Variants in CSGALNACT2 observed in about 807,000 individuals in gnomAD.
CSGALNACT2 encodes the protein beta 4 GalNAcT-2.
A neutral mutation model predicts 55.3 loss-of-function variants in CSGALNACT2; 35 were observed. The ratio of observed to expected loss-of-function variants is 0.63; its 90% CI spans 0.48 to 0.84. The LOEUF is 0.84. Ranked by LOEUF, CSGALNACT2 falls within the 40% of genes least tolerant of loss-of-function variation. The pLI, the probability that CSGALNACT2 is intolerant of heterozygous loss-of-function variation, is 0.00. For missense variants in CSGALNACT2, 544 were observed against 657.5 expected, an observed-to-expected ratio of 0.83 and a Z score of 1.89; for synonymous variants, 196 against 224.9, an observed-to-expected ratio of 0.87 and a Z score of 1.15.
At chr10:43,169,320 C>G (rs140557481) in intron 6 of CSGALNACT2, among the ~76,000 whole-genome samples, 389 of 152,216 alleles carry the variant, frequency 2.6e-3, no homozygotes, top group African/African-American at 8.9e-3. Context: ...AAAAACAATA[C>G]TATGAAAGAG....
At chr10:43,143,527 GT>G (rs1838678106) in intron 1 of CSGALNACT2, among the ~76,000 whole-genome samples, 1 of 151,262 alleles carries the variant, frequency 6.6e-6, no homozygotes, top group South Asian at 2.1e-4. Flanking sequence ...GTGTGTGTGT[GT>G]GTGTGTGTGG....
In CSGALNACT2 at chr10:43,155,012, T is replaced by G; in HGVS notation, c.-138T>G. ...CATTTCTGCAAGTAGTCATGACTGCTGAAGAAAGAAAAACTTAAAGCTACG... is the reference window on the plus strand; with the variant it reads ...CATTTCTGCAAGTAGTCATGACTGCGGAAGAAAGAAAAACTTAAAGCTACG... On this transcript the variant is annotated 5_prime_UTR_variant, in exon 2 of 8. Transcript: ENST00000374466. The G allele has an allele frequency of 1.4e-6, 1 of 706,744 alleles. No homozygotes were observed. The highest frequency in any genetic ancestry group is 2.4e-6 in the Non-Finnish European group (1 of 423,978). 43.8% of individuals were successfully genotyped at this position (706,744 alleles called of 1,614,324 possible).
At chr10:43,145,410 CTTTTTT>C (rs71016727) in intron 1 of CSGALNACT2, among the ~76,000 whole-genome samples, 24 of 99,420 alleles carry the variant, frequency 2.4e-4, no homozygotes, top group African/African-American at 5.1e-4. Context: ...TTGTTTGTTT[CTTTTTT>C]TTTTTTTTTT....
chr10:43,181,492 T>C (rs1314200626), intron 7 of CSGALNACT2, among the ~76,000 whole-genome samples: 1 of 152,236 alleles, frequency 6.6e-6, no homozygotes, highest in African/African-American at 2.4e-5. Flanking sequence ...TAAGAGCTTA[T>C]ATCTACAAGG....
At chr10:43,156,434 TAACAGTAA>T (rs1157301453) in intron 2 of CSGALNACT2, among the ~76,000 whole-genome samples, 2 of 152,232 alleles carry the variant, frequency 1.3e-5, no homozygotes, top group Non-Finnish European at 2.9e-5. Context: ...TGATTGATAT[TAACAGTAA>T]TAATTCTAGA....
At chr10:43,150,396 A>G (rs542444230) in intron 1 of CSGALNACT2, among the ~76,000 whole-genome samples, 2 of 152,334 alleles carry the variant, frequency 1.3e-5, no homozygotes, top group South Asian at 2.1e-4. Flanking sequence ...TCCTCTGCCT[A>G]AAAGACTTAC....
At chr10:43,157,586 A>G (rs1824776087) in intron 2 of CSGALNACT2, among the ~76,000 whole-genome samples, 1 of 152,116 alleles carries the variant, frequency 6.6e-6, no homozygotes, top group African/African-American at 2.4e-5. Context: ...GGCATTGCCC[A>G]TTTCCTGGTT....
At chr10:43,177,473 A>G (rs984400333) in intron 7 of CSGALNACT2, among the ~76,000 whole-genome samples, 7 of 152,166 alleles carry the variant, frequency 4.6e-5, no homozygotes, top group African/African-American at 1.7e-4. Flanking sequence ...TCTACTTCCT[A>G]TAGATTTGCC....
chr10:43,141,957 A>G (rs900443318), intron 1 of CSGALNACT2, among the ~76,000 whole-genome samples: 4 of 152,180 alleles, frequency 2.6e-5, no homozygotes, highest in African/African-American at 9.7e-5. Context: ...AAGATGTGTT[A>G]GGTTTGCTGA....
At chr10:43,181,473 C>CT (rs1479733888) in intron 7 of CSGALNACT2, among the ~76,000 whole-genome samples, 1 of 152,168 alleles carries the variant, frequency 6.6e-6, no homozygotes, top group Admixed American at 6.5e-5. Flanking sequence ...TGTACCATCT[C>CT]TAATATTCTA....
At chr10:43,179,415 T>G (rs1305900464) in intron 7 of CSGALNACT2, among the ~76,000 whole-genome samples, 1 of 152,186 alleles carries the variant, frequency 6.6e-6, no homozygotes, top group South Asian at 2.1e-4. Flanking sequence ...GTTTATTTAT[T>G]TATTGACATG....
In CSGALNACT2 at chr10:43,163,916, A is replaced by G. The variant is rs755047144; in HGVS notation, c.1031A>G (p.Asn344Ser). Residue 344 changes from asparagine to serine, a missense_variant, in exon 5 of 8, where the codon AAT becomes AGT. Transcript: ENST00000374466. Reference sequence around the variant, plus strand: ...TTGGTCTCATTGAATGAAGAATTTAATCGTGGACGAGGACTAAATGTGGGT... The same window carrying G: ...TTGGTCTCATTGAATGAAGAATTTAGTCGTGGACGAGGACTAAATGTGGGT... Reference protein sequence around the residue: ...YTLVSLNEEFNRGRGLNVGAR... With the variant: ...YTLVSLNEEFSRGRGLNVGAR... 1 of 1,614,158 alleles carries G rather than the reference A, an allele frequency of 6.2e-7. No individual in the cohort carries two copies. The highest frequency in any genetic ancestry group is 1.3e-5 in the African/African-American group (1 of 75,056).
intron 6 of CSGALNACT2, among the ~76,000 whole-genome samples, chr10:43,175,148 T>G (rs1839453906): frequency 6.6e-6 from 1 of 152,232 alleles, no homozygotes; most frequent in Admixed American, 6.5e-5. Flanking sequence ...TGTTTTAATC[T>G]TTATAGGCCA....
At chr10:43,148,622 A>G (rs1838811269) in intron 1 of CSGALNACT2, among the ~76,000 whole-genome samples, 3 of 151,464 alleles carry the variant, frequency 2.0e-5, no homozygotes, top group Non-Finnish European at 4.4e-5. Context: ...CATTATTCCT[A>G]TTTTATTCTT....
intron 6 of CSGALNACT2, among the ~76,000 whole-genome samples, chr10:43,170,374 T>G (rs1032846387): frequency 5.9e-5 from 9 of 152,158 alleles, no homozygotes; most frequent in African/African-American, 2.2e-4. Context: ...AAGAAGACCC[T>G]GGAGCATCTT....
chr10:43,172,463 C>T (rs1224927552), intron 6 of CSGALNACT2, among the ~76,000 whole-genome samples: 2 of 152,196 alleles, frequency 1.3e-5, no homozygotes, highest in African/African-American at 4.8e-5. Flanking sequence ...CTAACAACCT[C>T]TGAGGTATGT....
chr10:43,160,368 C>A, intron 3 of CSGALNACT2, 126 bp from the exon 4 acceptor site: 1 of 599,740 alleles, frequency 1.7e-6, no homozygotes. Flanking sequence ...ATCAGTATTG[C>A]CACATTTATG....
chr10:43,164,634 G>A (rs1441566648), intron 5 of CSGALNACT2, among the ~76,000 whole-genome samples: 1 of 152,176 alleles, frequency 6.6e-6, no homozygotes, highest in East Asian at 1.9e-4. Flanking sequence ...GGATCATGAG[G>A]TCAAGAGATT....
rs1839075314 is a variant in CSGALNACT2, at chr10:43,158,732, A to G, written c.679A>G (p.Arg227Gly). The change falls in exon 3 of 8, where the codon AGA becomes GGA. Residue 227 changes from arginine (R) to glycine (G), a missense_variant. Around this residue, in one of 2 missense-constraint regions of CSGALNACT2, gnomAD observed 374 missense variants for 401.3 expected, o/e 0.93. Coordinates refer to ENST00000374466, the MANE Select transcript of CSGALNACT2 (RefSeq NM_018590.5). ...DFVEGYYRTE[R>G]DKGTQYELFF... Reference sequence around the variant, plus strand: ...TCCTTTAGGTTATTATCGCACTGAGAGAGATAAGGGCACACAGTATGAACT... The same window carrying G: ...TCCTTTAGGTTATTATCGCACTGAGGGAGATAAGGGCACACAGTATGAACT... 6.2e-7 allele frequency: 1 copy of G among 1,601,098 alleles called. No individual in the cohort carries two copies. The highest frequency in any genetic ancestry group is 1.3e-5 in the African/African-American group (1 of 74,756).
Sources: gnomAD v4.1 joint callset for allele counts (sites outside exome capture counted in the v4.1 genomes callset) on GRCh38, gnomAD v4.1.1 for gene constraint, gnomAD v4.1.1 regional missense constraint, MANE v1.5 for transcripts, NCBI Gene and HGNC (gene_info 2026-07-23, HGNC 2026-07-21) for gene names.